The following B4GALT1 variants were observed in gnomAD, a reference collection of about 807,000 sequenced individuals.
The protein encoded by B4GALT1 is beta-1,4-galactosyltransferase 1, also known as N-acetyllactosamine synthase.
In B4GALT1, 16 loss-of-function variants were observed where a neutral mutation model predicts 34.9. The observed-to-expected ratio is 0.46, with a 90% CI of 0.31 to 0.70. The LOEUF (loss-of-function observed/expected upper bound fraction) is 0.70, where lower values mean the gene tolerates loss of function less well. B4GALT1 is among the 30% of genes least tolerant of loss of function. The probability of loss-of-function intolerance (pLI) is 0.05; values close to 1 mark genes in which losing one functional copy is unlikely to be tolerated. For missense variants in B4GALT1, 445 were observed against 530.5 expected (o/e 0.84, Z 1.58); for synonymous variants, 221 against 218.1 (o/e 1.01, Z -0.12).
At position 33,112,189 on chromosome 9, in the gene B4GALT1, C is replaced by T. The variant is rs983989529; in HGVS notation, c.*1265G>A. 1 of 152,252 alleles carries T rather than the reference C, an allele frequency of 6.6e-6. No individual in the cohort carries two copies. 9.4% of individuals were successfully genotyped at this position (152,252 alleles called of 1,614,324 possible). A position where few individuals can be genotyped will look rare whatever the true frequency, so the allele number is the denominator to read the frequency against. On this transcript the variant is annotated 3_prime_UTR_variant, in exon 6 of 6. Transcript: ENST00000379731. ...AGCAGAGCCTCTGAGGGAGGTGGCCCCCACCAGAACAGAGGCTCCCTCTGC... is the reference window on the plus strand; with the variant it reads ...AGCAGAGCCTCTGAGGGAGGTGGCCTCCACCAGAACAGAGGCTCCCTCTGC...
intron 1 of B4GALT1, among the ~76,000 whole-genome samples, chr9:33,159,195 T>C (rs1447303201): frequency 1.3e-5 from 2 of 152,170 alleles, no homozygotes; most frequent in Non-Finnish European, 2.9e-5. Context: ...GGTTTCAGGA[T>C]GTCAAAGGCA....
Position 33,111,937 on chromosome 9 carries a change from G to C in B4GALT1, c.*1517C>G, listed in dbSNP as rs1839868611. ...TTTAGGCACCGAAGTTCTTGGGAGG[G>C]AGTTGGGGTGTGGGTTCGGCTGAAC... is the stretch of plus-strand genomic sequence containing the variant. On this transcript the variant is annotated 3_prime_UTR_variant, in exon 6 of 6. Transcript: ENST00000379731. 6.5e-6 allele frequency: 1 copy of C among 152,704 alleles called. No individual in the cohort carries two copies. The highest frequency in any genetic ancestry group is 2.4e-5 in the African/African-American group (1 of 41,456). The allele number at this position is 152,704 out of a possible 1,614,324, so 9.5% of individuals were successfully genotyped here.
At chr9:33,135,966 A>G (rs1294696171) in intron 1 of B4GALT1, among the ~76,000 whole-genome samples, 1 of 144,494 alleles carries the variant, frequency 6.9e-6, no homozygotes, top group Non-Finnish European at 1.5e-5. Context: ...GTCAGTGTGG[A>G]GGGAGTTAGC....
chr9:33,134,435 G>A (rs1382865134), intron 2 of B4GALT1, among the ~76,000 whole-genome samples: 1 of 152,162 alleles, frequency 6.6e-6, no homozygotes. Context: ...AGTGTTAGGG[G>A]TAATCTTGAA....
Position 33,124,811 on chromosome 9 carries a change from T to C in B4GALT1, c.649-4205A>G, listed in dbSNP as rs540725797. 5.3e-5 allele frequency among the ~76,000 whole-genome samples: 8 copies of C among 152,348 alleles called. No individual in the cohort carries two copies. In the East Asian group the frequency reaches 5.8e-4, roughly 11 times the overall value. On this transcript the variant is annotated intron_variant, in intron 2 of 5. Coordinates refer to ENST00000379731, the MANE Select transcript of B4GALT1 (RefSeq NM_001497.4). The stretch of plus-strand genomic sequence containing the variant: ...TCCCAAATCCTGCTTCTCTGATGAA[T>C]GGGAAATTACTAAAAACATTTAAGG...
At chr9:33,137,900 G>A (rs2118172262) in intron 1 of B4GALT1, among the ~76,000 whole-genome samples, 1 of 152,304 alleles carries the variant, frequency 6.6e-6, no homozygotes. Flanking sequence ...GGGCCCTGCT[G>A]CACAGTGAAC....
chr9:33,151,682 C>G (rs1840519590), intron 1 of B4GALT1, among the ~76,000 whole-genome samples: 1 of 152,218 alleles, frequency 6.6e-6, no homozygotes, highest in African/African-American at 2.4e-5. Context: ...TCCCCTGACT[C>G]CTTAGAACTT....
rs1249349071 is a variant in B4GALT1, at chr9:33,112,551, G to A, written c.*903C>T. Reference sequence around the variant, plus strand: ...ATATTTATTTTTCTCCCTAAAAAATGCTCAATACCCCTCCCCATATTTAAA... The same window carrying A: ...ATATTTATTTTTCTCCCTAAAAAATACTCAATACCCCTCCCCATATTTAAA... On this transcript the variant is annotated 3_prime_UTR_variant, in exon 6 of 6. Coordinates refer to ENST00000379731, the MANE Select transcript of B4GALT1 (RefSeq NM_001497.4). The A allele has an allele frequency of 6.6e-6, 1 of 152,560 alleles. No homozygotes were observed. The highest frequency in any genetic ancestry group is 1.5e-5 in the Non-Finnish European group (1 of 68,014). The allele number at this position is 152,560 out of a possible 1,614,324, so 9.5% of individuals were successfully genotyped here.
intron 2 of B4GALT1, chr9:33,104,873 A>T (rs1839783097): frequency 4.8e-6 from 2 of 412,890 alleles, no homozygotes; most frequent in South Asian, 3.5e-5. Context: ...GCTGGAGTGC[A>T]GTGACGTGCT....
At chr9:33,154,028 AG>A (rs1840561490) in intron 1 of B4GALT1, among the ~76,000 whole-genome samples, 1 of 79,794 alleles carries the variant, frequency 1.3e-5, no homozygotes, top group Non-Finnish European at 2.3e-5. Flanking sequence ...AGAGGAAGGA[AG>A]GAAGGGAGGG....
chr9:33,163,653 A>G (rs908510261), intron 1 of B4GALT1, among the ~76,000 whole-genome samples: 2 of 152,356 alleles, frequency 1.3e-5, no homozygotes, highest in African/African-American at 2.4e-5. Context: ...CAATCTGAGC[A>G]GAGATAAACA....
chr9:33,159,756 C>T (rs1055577342), intron 1 of B4GALT1, among the ~76,000 whole-genome samples: 1 of 152,228 alleles, frequency 6.6e-6, no homozygotes, highest in Non-Finnish European at 1.5e-5. Flanking sequence ...TGCAAGCTTG[C>T]TCCCACCTTC....
intron 1 of B4GALT1, among the ~76,000 whole-genome samples, chr9:33,145,993 C>T (rs530646886): frequency 2.0e-5 from 3 of 152,208 alleles, no homozygotes; most frequent in Admixed American, 6.5e-5. Flanking sequence ...ATGGGGAAAC[C>T]TCTGGGAGAC....
chr9:33,109,018 G>C (rs1466969192), downstream of B4GALT1, among the ~76,000 whole-genome samples: 4 of 152,116 alleles, frequency 2.6e-5, no homozygotes, highest in Non-Finnish European at 5.9e-5. Flanking sequence ...AATTTCCCGG[G>C]TGATAGGAAC....
Position 33,111,250 on chromosome 9 carries a change from C to CAAAAA in B4GALT1, c.*2199_*2203dup, listed in dbSNP as rs751351046. 42 of 48,842 alleles carry CAAAAA rather than the reference C, an allele frequency of 8.6e-4. No homozygotes were observed. Among genetic ancestry groups the CAAAAA allele is most frequent in the African/African-American group, 2.5e-3 (21 of 8,408 alleles). The allele number at this position is 48,842 out of a possible 1,614,324, so 3.0% of individuals were successfully genotyped here. A position where few individuals can be genotyped will look rare whatever the true frequency, so the allele number is the denominator to read the frequency against. On this transcript the variant is annotated 3_prime_UTR_variant, in exon 6 of 6. Transcript: ENST00000379731. ...TACTTGACATGAATGAGAAGGTAAC[C>CAAAAA]AAAAAAAAAAAAAAAAAAAAAAAAA... is the stretch of plus-strand genomic sequence containing the variant.
At chr9:33,141,783 G>A (rs977972209) in intron 1 of B4GALT1, among the ~76,000 whole-genome samples, 2 of 152,142 alleles carry the variant, frequency 1.3e-5, no homozygotes, top group Admixed American at 6.6e-5. Context: ...TCCTAGCTGT[G>A]TGGGTGGCGC....
intron 2 of B4GALT1, chr9:33,104,895 C>G: frequency 5.3e-6 from 2 of 376,852 alleles, no homozygotes; most frequent in South Asian, 2.0e-5. Flanking sequence ...AGTAAATGAA[C>G]TGCAACTTCC....
intron 2 of B4GALT1, 43 bp from the exon 3 acceptor site, chr9:33,120,649 C>T (rs1175059653): frequency 6.3e-7 from 1 of 1,599,818 alleles, no homozygotes; most frequent in African/African-American, 1.3e-5. Context: ...GCCTTAAAGC[C>T]TTTGGGCCAA....
intron 1 of B4GALT1, among the ~76,000 whole-genome samples, chr9:33,162,731 C>T (rs1253991292): frequency 6.6e-6 from 1 of 152,186 alleles, no homozygotes; most frequent in African/African-American, 2.4e-5. Flanking sequence ...CTCCCCATTC[C>T]CCAAGGAGTT....
Sources: allele counts gnomAD v4.1 joint callset (sites outside exome capture counted in the v4.1 genomes callset), GRCh38; gene constraint gnomAD v4.1.1; transcripts MANE v1.5; gene names NCBI Gene and HGNC (gene_info 2026-07-23, HGNC 2026-07-21).